Variants in PRKDC observed in about 807,000 individuals in gnomAD.
The protein encoded by PRKDC is DNA-dependent protein kinase catalytic subunit.
A neutral mutation model predicts 486.9 loss-of-function variants in PRKDC; 82 were observed. That is an observed-to-expected ratio of 0.17 (90% CI 0.14 to 0.20). The LOEUF (loss-of-function observed/expected upper bound fraction) is 0.20, where lower values mean the gene tolerates loss of function less well. Ranked by LOEUF, PRKDC falls within the 10% of genes least tolerant of loss-of-function variation. The pLI, the probability that PRKDC is intolerant of heterozygous loss-of-function variation, is 1.00. For missense variants in PRKDC, 4,504 were observed against 5,038.2 expected (o/e 0.89, Z 3.21); for synonymous variants, 1,895 against 1,837.0 (o/e 1.03, Z -0.81).
At position 47,824,470 on chromosome 8, in the gene PRKDC, A is replaced by G. The variant is rs2087685311; in HGVS notation, c.8784-474T>C. Among the ~76,000 whole-genome samples the G allele has an allele frequency of 2.1e-5, 3 of 142,514 alleles. No individual in the cohort carries two copies. In the South Asian group the frequency reaches 6.4e-4, roughly 31 times the overall value. The allele number at this position is 142,514 out of a possible 152,430, so 93.5% of individuals were successfully genotyped here. A position where few individuals can be genotyped will look rare whatever the true frequency, so the allele number is the denominator to read the frequency against. ...TGGGCAACAGCAAGACTCCGCCTCA[A>G]AAAAAAAAAAAAAAAAAAAAAAAGG... On this transcript the variant is annotated intron_variant, in intron 63 of 85. Transcript: ENST00000314191.
chr8:47,803,618 T>C, intron 69 of PRKDC, 138 bp from the exon 70 acceptor site: 2 of 759,404 alleles, frequency 2.6e-6, no homozygotes, highest in Non-Finnish European at 2.2e-6. Context: ...TTCAATTATG[T>C]CTCTAAATTT....
At chr8:47,941,040 G>C (rs1247114267) in intron 10 of PRKDC, among the ~76,000 whole-genome samples, 2 of 150,708 alleles carry the variant, frequency 1.3e-5, no homozygotes, top group Non-Finnish European at 2.9e-5. Context: ...TGAGGCACGA[G>C]AATTGCTTAA....
intron 68 of PRKDC, among the ~76,000 whole-genome samples, chr8:47,811,881 G>A (rs2087334685): frequency 1.3e-5 from 2 of 152,184 alleles, no homozygotes; most frequent in Non-Finnish European, 2.9e-5. Flanking sequence ...GGAGGCTGAG[G>A]CAGGAGAATG....
chr8:47,951,714 C>CA (rs1485117765), intron 7 of PRKDC, among the ~76,000 whole-genome samples: 92 of 107,944 alleles, frequency 8.5e-4, no homozygotes, highest in African/African-American at 2.5e-3. Context: ...ACCCTGTCTC[C>CA]AAAAAAAAAG....
chr8:47,813,393 C>A (rs1008882817), intron 68 of PRKDC, among the ~76,000 whole-genome samples: 1 of 151,880 alleles, frequency 6.6e-6, no homozygotes, highest in Non-Finnish European at 1.5e-5. Flanking sequence ...GCTGGGATTA[C>A]AGGTGTAAGC....
At chr8:47,859,850 GCACATTTTAATCTAAGGTTTT>G in intron 45 of PRKDC, 91 bp from the exon 46 acceptor site, 1 of 1,298,382 alleles carries the variant, frequency 7.7e-7, no homozygotes, top group South Asian at 1.4e-5. Context: ...GAAAATTAAA[GCACATTTTAATCTAAGGTTTT>G]CATCAAGCCA....
chr8:47,902,171 C>T (rs182437032), intron 27 of PRKDC, among the ~76,000 whole-genome samples: 2 of 152,138 alleles, frequency 1.3e-5, no homozygotes, highest in African/African-American at 4.8e-5. Flanking sequence ...TCTCTACCCC[C>T]CCACCACCCA....
chr8:47,836,140 C>T (rs2088015755), intron 58 of PRKDC, among the ~76,000 whole-genome samples, 198 bp downstream of exon 58: 1 of 152,224 alleles, frequency 6.6e-6, no homozygotes, highest in Non-Finnish European at 1.5e-5. Context: ...GACCCTGGCA[C>T]CTGGCACTCT....
At chr8:47,862,217 C>T in intron 43 of PRKDC, 90 bp from the exon 44 acceptor site, 1 of 1,354,544 alleles carries the variant, frequency 7.4e-7, no homozygotes, top group Non-Finnish European at 1.0e-6. Flanking sequence ...TGTAATAGCT[C>T]ATGGAAAAGC....
At chr8:47,855,693 G>A (rs1400221357) in intron 49 of PRKDC, among the ~76,000 whole-genome samples, 1 of 152,230 alleles carries the variant, frequency 6.6e-6, no homozygotes, top group Non-Finnish European at 1.5e-5. Context: ...GGGGTCGCCT[G>A]CAGGGCAGGG....
intron 25 of PRKDC, among the ~76,000 whole-genome samples, chr8:47,907,744 G>C (rs1304404518): frequency 6.6e-6 from 1 of 151,448 alleles, no homozygotes; most frequent in South Asian, 2.1e-4. Flanking sequence ...CATGTTGGCC[G>C]GGCTGGTCTC....
chr8:47,844,442 A>C (rs1378281586), intron 54 of PRKDC, among the ~76,000 whole-genome samples: 1 of 152,238 alleles, frequency 6.6e-6, no homozygotes, highest in Admixed American at 6.5e-5. Context: ...GCACTCAATA[A>C]TAGTGGGAAA....
intron 69 of PRKDC, among the ~76,000 whole-genome samples, chr8:47,804,239 T>C (rs144792469): frequency 2.8e-4 from 43 of 152,276 alleles, no homozygotes; most frequent in African/African-American, 8.9e-4. Flanking sequence ...TTGCAGCACC[T>C]GTCAGCACTT....
chr8:47,931,516 A>C (rs1322435981), intron 16 of PRKDC, among the ~76,000 whole-genome samples: 1 of 151,898 alleles, frequency 6.6e-6, no homozygotes, highest in Non-Finnish European at 1.5e-5. Context: ...TTTTTAATAA[A>C]ATTATTTTAG....
rs8178058 is a variant in PRKDC at position 47,913,773 on chromosome 8, TA to T, written c.2781+127del. 0.09 allele frequency: 82,372 copies of T among 919,104 alleles called. 4,184 individuals are homozygous for T. The highest frequency in any genetic ancestry group is 0.13 in the South Asian group (4,142 of 31,052). The allele number at this position is 919,104 out of a possible 1,614,324, so 56.9% of individuals were successfully genotyped here. On this transcript the variant is annotated intron_variant, in intron 24 of 85. Coordinates refer to ENST00000314191, the MANE Select transcript of PRKDC (RefSeq NM_006904.7). ...TCTAATAAGTAAGTAGTTTTCTAAT[TA>T]CTATATTACAGAAAATACAAAATTA...
chr8:47,815,690 T>C (rs1051955674), intron 68 of PRKDC, among the ~76,000 whole-genome samples: 7 of 152,226 alleles, frequency 4.6e-5, no homozygotes, highest in African/African-American at 1.7e-4. Context: ...CAATAAGATG[T>C]AGACTAATAT....
chr8:47,830,553 A>AAAT, intron 61 of PRKDC, 52 bp downstream of exon 61: 1 of 1,599,480 alleles, frequency 6.3e-7, no homozygotes, highest in Non-Finnish European at 8.5e-7. Context: ...AAACCCCTGA[A>AAAT]CTGGAAACAG....
chr8:47,820,355 C>T (rs976014866), intron 66 of PRKDC, among the ~76,000 whole-genome samples: 7 of 151,484 alleles, frequency 4.6e-5, no homozygotes, highest in African/African-American at 7.3e-5. Flanking sequence ...ACTGTCTAGG[C>T]GACAAAAGAG....
intron 35 of PRKDC, among the ~76,000 whole-genome samples, chr8:47,887,290 G>T (rs188109052): frequency 6.6e-6 from 1 of 152,264 alleles, no homozygotes; most frequent in East Asian, 1.9e-4. Context: ...GTCACAAAAC[G>T]TTCTCTAGCT....
Sources: allele counts gnomAD v4.1 joint callset (sites outside exome capture counted in the v4.1 genomes callset), GRCh38; gene constraint gnomAD v4.1.1; transcripts MANE v1.5; gene names NCBI Gene and HGNC (gene_info 2026-07-23, HGNC 2026-07-21).